Variants in ZC3H12B observed in about 807,000 individuals in gnomAD.
The protein encoded by ZC3H12B is probable ribonuclease ZC3H12B.
ZC3H12B carries 7 observed loss-of-function variants against 43.9 expected under a neutral mutation model. The ratio of observed to expected loss-of-function variants is 0.16; its 90% confidence interval spans 0.09 to 0.30. The LOEUF is 0.30. Ranked by LOEUF, ZC3H12B falls within the 10% of genes least tolerant of loss-of-function variation. The pLI is 1.00. For synonymous variants in ZC3H12B, 222 were observed against 241.7 expected (o/e 0.92, Z 0.76); for missense variants, 475 against 670.2 (o/e 0.71, Z 3.22).
the ZC3H12B span, among the ~76,000 whole-genome samples, chrX:65,050,057 A>C: frequency 1.8e-5 from 2 of 111,376 alleles, no homozygotes; most frequent in East Asian, 5.6e-4. Context: ...TTGGTTATTC[A>C]AAAGTGTGTT....
the ZC3H12B span, among the ~76,000 whole-genome samples, chrX:65,121,425 A>T: frequency 9.0e-6 from 1 of 111,357 alleles, no homozygotes; most frequent in Non-Finnish European, 1.9e-5. Flanking sequence ...TCGATTTTCT[A>T]GTTTATTTGC....
chrX:65,113,987 A>G, the ZC3H12B span, among the ~76,000 whole-genome samples: 14 of 17,270 alleles, frequency 8.1e-4, no homozygotes, highest in African/African-American at 0.017. Flanking sequence ...ATATGCTTGT[A>G]TATATATATA....
the ZC3H12B span, among the ~76,000 whole-genome samples, chrX:65,083,373 A>G: frequency 8.9e-6 from 1 of 111,887 alleles, no homozygotes; most frequent in Non-Finnish European, 1.9e-5. Flanking sequence ...AAAATTACAC[A>G]AGAAATCTAC....
At chrX:65,124,598 CTG>C in the ZC3H12B span, among the ~76,000 whole-genome samples, 1 of 110,579 alleles carries the variant, frequency 9.0e-6, no homozygotes, top group African/African-American at 3.3e-5. Flanking sequence ...GAATTCAGCT[CTG>C]AATTTGTCTG....
the ZC3H12B span, among the ~76,000 whole-genome samples, chrX:65,160,475 G>C: frequency 9.0e-5 from 10 of 111,681 alleles, no homozygotes; most frequent in South Asian, 3.7e-4. Context: ...CAACTTCTTT[G>C]TGGTTTAGTC....
chrX:65,157,813 G>A, the ZC3H12B span, among the ~76,000 whole-genome samples: 2 of 106,308 alleles, frequency 1.9e-5, no homozygotes, highest in African/African-American at 3.4e-5. Flanking sequence ...GGGGACATGT[G>A]CACAATATGC....
the ZC3H12B span, among the ~76,000 whole-genome samples, chrX:65,098,399 AGACT>A: frequency 7.2e-5 from 8 of 111,358 alleles, no homozygotes; most frequent in African/African-American, 2.3e-4. Flanking sequence ...TAGTAGTGGG[AGACT>A]GACTGATAGG....
chrX:65,398,528 G>C (rs190070739), intron 2 of ZC3H12B, 65 bp from the exon 5 acceptor site: 12 of 111,224 alleles, frequency 1.1e-4, no homozygotes, highest in Admixed American at 1.9e-4. Context: ...GTTCTTATGA[G>C]ATCTGATGGC....
the ZC3H12B span, among the ~76,000 whole-genome samples, chrX:65,191,636 A>G: frequency 1.8e-4 from 11 of 60,993 alleles, no homozygotes; most frequent in East Asian, 2.5e-3. Flanking sequence ...CTGTGGGATC[A>G]GTGGTGATAT....
chrX:65,239,411 TC>T, the ZC3H12B span, among the ~76,000 whole-genome samples: 2 of 110,850 alleles, frequency 1.8e-5, no homozygotes, highest in Non-Finnish European at 3.8e-5. Context: ...TTTTTTTTTT[TC>T]CATTTGCTTG....
the ZC3H12B span, among the ~76,000 whole-genome samples, chrX:65,257,723 A>G: frequency 1.4e-3 from 154 of 111,368 alleles, 1 homozygote; most frequent in African/African-American, 4.9e-3. Context: ...ACAAAAAACA[A>G]ACAAAAAAAC....
the ZC3H12B span, among the ~76,000 whole-genome samples, chrX:65,176,176 C>T: frequency 1.8e-5 from 2 of 111,814 alleles, no homozygotes; most frequent in African/African-American, 6.5e-5. Context: ...AGTCTGAAGT[C>T]AACCTGGGAT....
chrX:65,296,783 A>C, the ZC3H12B span, among the ~76,000 whole-genome samples: 1 of 111,664 alleles, frequency 9.0e-6, no homozygotes, highest in Non-Finnish European at 1.9e-5. Context: ...TGAATCCAAC[A>C]GCATATCAAA....
At chrX:65,140,857 T>A in the ZC3H12B span, among the ~76,000 whole-genome samples, 1 of 111,939 alleles carries the variant, frequency 8.9e-6, no homozygotes, top group Non-Finnish European at 1.9e-5. Flanking sequence ...TGTTGGTACA[T>A]AGTTGTTCTT....
chrX:65,380,617 T>C (rs1006424851), intron 2 of ZC3H12B, among the ~76,000 whole-genome samples: 5 of 111,508 alleles, frequency 4.5e-5, no homozygotes, highest in African/African-American at 1.6e-4. Flanking sequence ...ATATTAACTT[T>C]AAATGTAAAT....
At chrX:65,287,590 A>G in the ZC3H12B span, among the ~76,000 whole-genome samples, 1 of 110,884 alleles carries the variant, frequency 9.0e-6, no homozygotes, top group African/African-American at 3.3e-5. Context: ...GTGAGACCCC[A>G]TCTTTACAAA....
chrX:65,321,623 A>G, the ZC3H12B span, among the ~76,000 whole-genome samples: 1 of 110,684 alleles, frequency 9.0e-6, no homozygotes, highest in African/African-American at 3.3e-5. Context: ...AGAACTTTTC[A>G]CAATAGCAGA....
chrX:65,459,292 G>A, intron 3 of ZC3H12B, among the ~76,000 whole-genome samples: 1 of 111,897 alleles, frequency 8.9e-6, no homozygotes. Context: ...GGAGGAGATG[G>A]TACCATTCCT....
the ZC3H12B span, among the ~76,000 whole-genome samples, chrX:65,259,955 G>C: frequency 7.3e-4 from 82 of 111,892 alleles, 2 homozygotes; most frequent in East Asian, 0.02. Context: ...ATTATTCTAA[G>C]TGAAATAACT....
Sources: gnomAD v4.1 joint callset for allele counts (sites outside exome capture counted in the v4.1 genomes callset) on GRCh38, gnomAD v4.1.1 for gene constraint, MANE v1.5 for transcripts, NCBI Gene and HGNC (gene_info 2026-07-23, HGNC 2026-07-21) for gene names.